Variants in SPPL2A observed in about 807,000 individuals in gnomAD.
SPPL2A encodes signal peptide peptidase-like 2A.
SPPL2A carries 51 observed loss-of-function variants against 63.8 expected under a neutral mutation model. That is an observed-to-expected ratio of 0.80 (90% CI 0.64 to 1.01). SPPL2A has a LOEUF of 1.01. Among genes scored for constraint, SPPL2A ranks in the 50% least tolerant of loss-of-function variants. The pLI is 0.00. For synonymous variants in SPPL2A, 188 were observed against 205.8 expected (o/e 0.91, Z 0.74); for missense variants, 553 against 622.7 (o/e 0.89, Z 1.19).
intron 14 of SPPL2A, among the ~76,000 whole-genome samples, chr15:50,715,623 G>A (rs544679817): frequency 4.6e-5 from 7 of 151,646 alleles, no homozygotes; most frequent in South Asian, 2.1e-4. Context: ...GGGGAAGAAT[G>A]GTTAGAAAAA....
At chr15:50,711,324 C>G (rs980821264) in intron 14 of SPPL2A, among the ~76,000 whole-genome samples, 1 of 151,908 alleles carries the variant, frequency 6.6e-6, no homozygotes, top group Non-Finnish European at 1.5e-5. Flanking sequence ...ATTCTCCCCC[C>G]TCAGCCTCCC....
intron 5 of SPPL2A, among the ~76,000 whole-genome samples, chr15:50,744,107 A>G (rs1413280277): frequency 6.6e-6 from 1 of 150,802 alleles, no homozygotes. Flanking sequence ...TGAACCTGGG[A>G]GGTGGAGGTT....
At chr15:50,717,968 G>GTTTTTTTTTT (rs57049574) in intron 14 of SPPL2A, among the ~76,000 whole-genome samples, 4 of 91,652 alleles carry the variant, frequency 4.4e-5, no homozygotes, top group Non-Finnish European at 6.2e-5. Context: ...TGTAACTTTC[G>GTTTTTTTTTT]TTTTTTTTTT....
At chr15:50,714,696 C>T (rs2062587083) in intron 14 of SPPL2A, among the ~76,000 whole-genome samples, 1 of 151,272 alleles carries the variant, frequency 6.6e-6, no homozygotes, top group Non-Finnish European at 1.5e-5. Context: ...AATCCCAGCA[C>T]TTTGGGAGGC....
Position 50,730,985 on chromosome 15 carries a change from T to G in SPPL2A, c.1069A>C (p.Ile357Leu), listed in dbSNP as rs1567156733. 8 of 1,462,650 alleles carry G rather than the reference T, an allele frequency of 5.5e-6. No homozygotes were observed. In the East Asian group the frequency reaches 1.8e-4, roughly 33 times the overall value. The allele number at this position is 1,462,650 out of a possible 1,614,324, so 90.6% of individuals were successfully genotyped here. Residue 357 changes from isoleucine (I) to leucine (L), a missense_variant, in exon 10 of 15, where the codon ATA (isoleucine) becomes CTA (leucine). By Grantham distance (5) the Ile-to-Leu change is conservative. Coordinates refer to ENST00000261854, the MANE Select transcript of SPPL2A (RefSeq NM_032802.4). ...LLLYDVFFVF[I>L]TPFITKNGES... ...CATACCTTTGTGATGAATGGTGTTA[T>G]GAAAACAAAAAATACATCATAGAGG...
Position 50,722,113 on chromosome 15 carries a change from C to G in SPPL2A, c.1327+11G>C, listed in dbSNP as rs1169072661. On this transcript the variant is annotated intron_variant, in intron 13 of 14. Coordinates refer to ENST00000261854, the MANE Select transcript of SPPL2A (RefSeq NM_032802.4). ...ATTCAACATTTAATACAAAGAAAAA[C>G]AAAAATTTACCAACTGTAGACGAAA... is the stretch of plus-strand genomic sequence containing the variant. The G allele has an allele frequency of 6.8e-7, 1 of 1,478,596 alleles. No homozygotes were observed. The highest frequency in any genetic ancestry group is 1.1e-5 in the South Asian group (1 of 88,096). The allele number at this position is 1,478,596 out of a possible 1,614,324, so 91.6% of individuals were successfully genotyped here.
Position 50,707,790 on chromosome 15 carries a change from C to T in SPPL2A, c.*10G>A. ...AAATCAATGACACATTATAGCAGTT[C>T]CACATAATATTATTGCTGGACAATC... is the stretch of plus-strand genomic sequence containing the variant. On this transcript the variant is annotated 3_prime_UTR_variant, in exon 15 of 15. Coordinates refer to ENST00000261854, the MANE Select transcript of SPPL2A (RefSeq NM_032802.4). 4 of 1,424,296 alleles carry T rather than the reference C, an allele frequency of 2.8e-6. No homozygotes were observed. The highest frequency in any genetic ancestry group is 4.0e-6 in the Non-Finnish European group (4 of 1,008,804). The allele number at this position is 1,424,296 out of a possible 1,614,324, so 88.2% of individuals were successfully genotyped here.
chr15:50,719,910 T>A, intron 14 of SPPL2A, 30 bp downstream of exon 14: 1 of 1,561,906 alleles, frequency 6.4e-7, no homozygotes, highest in Non-Finnish European at 8.7e-7. Flanking sequence ...AGCCATAAGA[T>A]AACTTGGTAA....
chr15:50,758,117 T>C (rs948707922), intron 1 of SPPL2A, among the ~76,000 whole-genome samples: 14 of 149,290 alleles, frequency 9.4e-5, no homozygotes, highest in East Asian at 2.0e-4. Context: ...TGAAACCCCG[T>C]CTCTACTAAA....
intron 14 of SPPL2A, among the ~76,000 whole-genome samples, chr15:50,719,639 T>C (rs898887941): frequency 2.0e-5 from 3 of 152,232 alleles, no homozygotes; most frequent in African/African-American, 7.2e-5. Flanking sequence ...ACAACGAATT[T>C]TATCTTTCAT....
rs8037489 is a variant in SPPL2A, at chr15:50,703,508, G to A, written c.*4292C>T. The A allele has an allele frequency of 0.028, 4,282 of 150,298 alleles. 77 individuals carry two copies. The highest frequency in any genetic ancestry group is 0.1 in the Middle Eastern group (30 of 292). 9.3% of individuals were successfully genotyped at this position (150,298 alleles called of 1,614,324 possible). On this transcript the variant is annotated 3_prime_UTR_variant, in exon 15 of 15. Transcript: ENST00000261854. ...CTCCTGAGTAGCTGGGGTTACAGGC[G>A]AGCCCCACCACACCCAGCTAATTTT...
At chr15:50,736,242 T>G in intron 7 of SPPL2A, 40 bp from the exon 8 acceptor site, 19 of 1,106,564 alleles carry the variant, frequency 1.7e-5, no homozygotes, top group Non-Finnish European at 2.4e-5. Flanking sequence ...GCAGATGAAG[T>G]ACAATGTTCA....
chr15:50,733,325 G>C (rs1247733733), intron 8 of SPPL2A, among the ~76,000 whole-genome samples: 1 of 152,026 alleles, frequency 6.6e-6, no homozygotes, highest in Non-Finnish European at 1.5e-5. Flanking sequence ...AATCCTTTCA[G>C]TCCTCAATAA....
At chr15:50,751,607 T>C (rs2062906972) in intron 1 of SPPL2A, among the ~76,000 whole-genome samples, 1 of 152,210 alleles carries the variant, frequency 6.6e-6, no homozygotes, top group African/African-American at 2.4e-5. Context: ...AGGATTTCTC[T>C]AGTGTAAAGA....
intron 12 of SPPL2A, among the ~76,000 whole-genome samples, chr15:50,724,307 T>G (rs2062669614): frequency 1.3e-5 from 2 of 152,166 alleles, no homozygotes; most frequent in South Asian, 4.1e-4. Flanking sequence ...GCCGGCGCGG[T>G]GGCTCACGCC....
At chr15:50,758,548 T>C (rs1200954461) in intron 1 of SPPL2A, among the ~76,000 whole-genome samples, 1 of 151,848 alleles carries the variant, frequency 6.6e-6, no homozygotes, top group African/African-American at 2.4e-5. Flanking sequence ...CAGGATGGTC[T>C]CGATCTCTTG....
intron 5 of SPPL2A, among the ~76,000 whole-genome samples, chr15:50,740,857 C>T (rs975640309): frequency 6.6e-6 from 1 of 152,146 alleles, no homozygotes; most frequent in African/African-American, 2.4e-5. Flanking sequence ...AACCACCCAC[C>T]TCAGCCTCCC....
chr15:50,748,162 T>C lies in SPPL2A; in HGVS notation c.401A>G (p.Lys134Arg). Reference sequence around the variant, plus strand: ...GTAGCTTATAAATGCAATCAGTATTTTCACATCAGGAAATTCAGATCTGTT... The same window carrying C: ...GTAGCTTATAAATGCAATCAGTATTCTCACATCAGGAAATTCAGATCTGTT... ...SGNRSEFPDV[K>R]ILIAFISYKD... The change falls in exon 4 of 15, where the codon AAA becomes AGA. Residue 134 changes from lysine to arginine, a missense_variant. Physicochemically the swap from Lys to Arg is conservative, Grantham distance 26 (BLOSUM62 2). Transcript: ENST00000261854. 1 of 1,517,196 alleles carries C rather than the reference T, an allele frequency of 6.6e-7. No homozygotes were observed. The highest frequency in any genetic ancestry group is 1.4e-5 in the South Asian group (1 of 72,532). The allele number at this position is 1,517,196 out of a possible 1,614,324, so 94.0% of individuals were successfully genotyped here.
intron 13 of SPPL2A, 80 bp from the exon 14 acceptor site, chr15:50,720,180 GT>G: frequency 1.2e-5 from 13 of 1,090,080 alleles, no homozygotes; most frequent in Admixed American, 2.6e-5. Context: ...TTATGTACTG[GT>G]TTTCAAACAT....
Sources: allele counts gnomAD v4.1 joint callset (sites outside exome capture counted in the v4.1 genomes callset), GRCh38; gene constraint gnomAD v4.1.1; transcripts MANE v1.5; gene names NCBI Gene and HGNC (gene_info 2026-07-23, HGNC 2026-07-21).